The following PARP8 variants were observed in gnomAD, a reference collection of about 807,000 sequenced individuals.
PARP8 encodes protein mono-ADP-ribosyltransferase PARP8.
A neutral mutation model predicts 124.1 loss-of-function variants in PARP8; 51 were observed. The observed-to-expected ratio is 0.41, with a 90% CI of 0.33 to 0.52. The LOEUF (loss-of-function observed/expected upper bound fraction) is 0.52, where lower values mean the gene tolerates loss of function less well. PARP8 is among the 20% of genes least tolerant of loss of function. The pLI is 0.21. For synonymous variants in PARP8, 391 were observed against 361.5 expected (o/e 1.08, Z -0.93); for missense variants, 860 against 1,018.9 (o/e 0.84, Z 2.12).
chr5:50,697,095 C>T (rs1037540973), intron 2 of PARP8, among the ~76,000 whole-genome samples: 18 of 151,988 alleles, frequency 1.2e-4, no homozygotes, highest in Non-Finnish European at 2.9e-5. Flanking sequence ...AGTGAAACTC[C>T]TTCTCTATTC....
At chr5:50,680,885 C>T (rs1401523880) in intron 2 of PARP8, among the ~76,000 whole-genome samples, 1 of 152,072 alleles carries the variant, frequency 6.6e-6, no homozygotes, top group East Asian at 1.9e-4. Flanking sequence ...TTCATAAAAT[C>T]GATGCACTGT....
At chr5:50,689,030 T>A (rs199927004) in intron 2 of PARP8, among the ~76,000 whole-genome samples, 1 of 120,374 alleles carries the variant, frequency 8.3e-6, no homozygotes, top group Non-Finnish European at 1.7e-5. Flanking sequence ...TTTTTTTTTT[T>A]GATTTTTTTT....
At chr5:50,761,952 T>C in intron 6 of PARP8, 54 bp downstream of exon 6, 1 of 1,178,112 alleles carries the variant, frequency 8.5e-7, no homozygotes, top group Non-Finnish European at 1.3e-6. Context: ...ATAGCCATGT[T>C]GTCCTAGTGG....
chr5:50,739,874 G>A (rs1320032564), intron 2 of PARP8, among the ~76,000 whole-genome samples: 1 of 149,714 alleles, frequency 6.7e-6, no homozygotes, highest in African/African-American at 2.5e-5. Context: ...TCAGCCTCCC[G>A]AGTAGCTGGG....
chr5:50,716,174 T>G (rs1580073665), intron 2 of PARP8, among the ~76,000 whole-genome samples: 1 of 152,124 alleles, frequency 6.6e-6, no homozygotes, highest in South Asian at 2.1e-4. Flanking sequence ...AAGAGGCTGG[T>G]TATTCCTTAC....
chr5:50,752,419 T>C (rs777298981), intron 3 of PARP8, among the ~76,000 whole-genome samples: 12 of 152,080 alleles, frequency 7.9e-5, no homozygotes, highest in Non-Finnish European at 1.6e-4. Flanking sequence ...TTATCTCTTC[T>C]GTTTTTCTGT....
chr5:50,823,024 G>A (rs1343850696), intron 17 of PARP8, among the ~76,000 whole-genome samples: 3 of 152,192 alleles, frequency 2.0e-5, no homozygotes, highest in Non-Finnish European at 4.4e-5. Flanking sequence ...CTTGGAGAGA[G>A]GTTTAAAACT....
chr5:50,717,575 T>TA (rs1755449279), intron 2 of PARP8, among the ~76,000 whole-genome samples: 1 of 151,802 alleles, frequency 6.6e-6, no homozygotes, highest in Non-Finnish European at 1.5e-5. Flanking sequence ...GAGTAGATGA[T>TA]ACAATATCTG....
intron 2 of PARP8, among the ~76,000 whole-genome samples, chr5:50,689,877 T>C (rs1460009407): frequency 6.6e-6 from 1 of 152,170 alleles, no homozygotes; most frequent in Non-Finnish European, 1.5e-5. Context: ...CTTTTGGAAA[T>C]ACTATCATTC....
rs765868461 is a variant in PARP8, at chr5:50,795,252, T to C, written c.1263T>C (p.Tyr421=). The change falls in exon 12 of 26, where the codon TAT becomes TAC. Residue 421 remains tyrosine, a synonymous_variant. Transcript: ENST00000281631. The stretch of plus-strand genomic sequence containing the variant: ...GTAATCTCAGAATGGAAGAATTATA[T>C]GGACTGAAAAATCACAAATTGCTCA... ...YSSNLRMEEL[Y]GLKNHKLLSK... is the part of the protein sequence containing the mutation. 1 of 1,614,176 alleles carries C rather than the reference T, an allele frequency of 6.2e-7. No homozygotes were observed. Among genetic ancestry groups the C allele is most frequent in the South Asian group, 1.1e-5 (1 of 91,084 alleles).
Position 50,773,913 on chromosome 5 carries a change from A to G in PARP8, c.519-4156A>G, listed in dbSNP as rs969664922. 4.0e-5 allele frequency among the ~76,000 whole-genome samples: 6 copies of G among 151,140 alleles called. 1 individual carries two copies. Among genetic ancestry groups the G allele is most frequent in the African/African-American group, 9.8e-5 (4 of 40,980 alleles). On this transcript the variant is annotated intron_variant, in intron 7 of 25. Transcript: ENST00000281631. The stretch of plus-strand genomic sequence containing the variant: ...GGGGATGTGGCAGGGTCATAGGATA[A>G]TAATGGAGAGAAGGTCAGCAGATAA...
At position 50,712,745 on chromosome 5, in the gene PARP8, G is replaced by A. The variant is rs77813027; in HGVS notation, c.147-37406G>A. ...GCAGGGAGCCACGGGAGCATGCAGG[G>A]TGAGAAAGAAACAAATATGGATCTG... is the stretch of plus-strand genomic sequence containing the variant. On this transcript the variant is annotated intron_variant, in intron 2 of 25. Coordinates refer to ENST00000281631, the MANE Select transcript of PARP8 (RefSeq NM_024615.4). Among the ~76,000 whole-genome samples, 562 of 152,086 alleles carry A rather than the reference G, an allele frequency of 3.7e-3. 2 individuals carry two copies. The highest frequency in any genetic ancestry group is 0.012 in the African/African-American group (517 of 41,500).
intron 3 of PARP8, among the ~76,000 whole-genome samples, chr5:50,756,180 T>C (rs1759924885): frequency 6.6e-6 from 1 of 152,084 alleles, no homozygotes; most frequent in South Asian, 2.1e-4. Flanking sequence ...TATTTCTTTC[T>C]CCTGCTTGAT....
At chr5:50,828,588 G>C (rs1430936896) in intron 21 of PARP8, among the ~76,000 whole-genome samples, 1 of 151,970 alleles carries the variant, frequency 6.6e-6, no homozygotes, top group Non-Finnish European at 1.5e-5. Context: ...ACAATGAAAA[G>C]AAAAAGAAAG....
At chr5:50,758,822 GAA>G (rs2087157500) in intron 3 of PARP8, among the ~76,000 whole-genome samples, 1 of 152,150 alleles carries the variant, frequency 6.6e-6, no homozygotes, top group African/African-American at 2.4e-5. Flanking sequence ...ATTCATTAGG[GAA>G]AGAGTGCTAA....
In PARP8 at chr5:50,721,378, A is replaced by G. The variant is rs1239615230; in HGVS notation, c.147-28773A>G. The stretch of plus-strand genomic sequence containing the variant: ...ACCATATTTGAGATGATTTATTGGC[A>G]TATAAAAATTGGCCAGCTATTTCAG... On this transcript the variant is annotated intron_variant, in intron 2 of 25. Coordinates refer to ENST00000281631, the MANE Select transcript of PARP8 (RefSeq NM_024615.4). 2.0e-5 allele frequency among the ~76,000 whole-genome samples: 3 copies of G among 152,154 alleles called. No homozygotes were observed. The East Asian group carries it at 5.8e-4, about 29-fold the overall frequency.
chr5:50,834,933 A>G lies in PARP8; in HGVS notation c.2380A>G (p.Ile794Val), dbSNP rs763282272. 9.3e-6 allele frequency: 15 copies of G among 1,612,404 alleles called. No homozygotes were observed. In the South Asian group the frequency reaches 1.6e-4, roughly 18 times the overall value. Residue 794 changes from isoleucine to valine, a missense_variant and splice_region_variant, in exon 25 of 26, where the codon ATC (isoleucine) becomes GTC (valine). By Grantham distance (29) the Ile-to-Val change is conservative (BLOSUM62 3). This residue lies in a region of PARP8 where 343 missense variants were observed against 474.7 expected (regional missense o/e 0.72). Coordinates refer to ENST00000281631, the MANE Select transcript of PARP8 (RefSeq NM_024615.4). The stretch of plus-strand genomic sequence containing the variant: ...TAATTTTATTTTCCACTTAACAGTG[A>G]TCACCTCATCTGACCTGCACAAACA... ...NLKCIALCEV[I>V]TSSDLHKHGE... is the part of the protein sequence containing the mutation.
chr5:50,707,003 A>G (rs1023339534), intron 2 of PARP8, among the ~76,000 whole-genome samples: 1 of 152,092 alleles, frequency 6.6e-6, no homozygotes, highest in African/African-American at 2.4e-5. Context: ...TTCACAATTT[A>G]CACAAAAATC....
rs143685331 is a variant in PARP8 at position 50,827,976 on chromosome 5, C to T, written c.2010C>T (p.Phe670=). 5 of 1,613,518 alleles carry T rather than the reference C, an allele frequency of 3.1e-6. No individual in the cohort carries two copies. The African/African-American group carries it at 6.7e-5, about 22-fold the overall frequency. The stretch of plus-strand genomic sequence containing the variant: ...AGTTTATGCATACTCCACATCAGTT[C>T]CTTCTTCTCAGCAGTCCACCAGCCA... ...QLKFMHTPHQ[F]LLLSSPPAKE... is the part of the protein sequence containing the mutation. The change falls in exon 20 of 26, where the codon TTC becomes TTT. Residue 670 remains phenylalanine, a synonymous_variant. Transcript: ENST00000281631.
Sources: allele counts gnomAD v4.1 joint callset (sites outside exome capture counted in the v4.1 genomes callset), GRCh38; gene constraint gnomAD v4.1.1; regional missense constraint gnomAD v4.1.1; transcripts MANE v1.5; gene names NCBI Gene and HGNC (gene_info 2026-07-23, HGNC 2026-07-21).